The following RUSC2 variants were observed in gnomAD, a reference collection of about 807,000 sequenced individuals.
RUSC2 encodes the protein AP-4 complex accessory subunit RUSC2.
RUSC2 carries 34 observed loss-of-function variants against 122.2 expected under a neutral mutation model. The observed-to-expected ratio is 0.28, with a 90% CI of 0.21 to 0.37. The LOEUF (loss-of-function observed/expected upper bound fraction) is 0.37. RUSC2 is among the 10% of genes least tolerant of loss of function. The pLI is 1.00. For missense variants in RUSC2, 1,747 were observed against 1,952.4 expected, an observed-to-expected ratio of 0.89 and a Z score of 1.98; for synonymous variants, 784 against 790.0, an observed-to-expected ratio of 0.99 and a Z score of 0.13.
At position 35,555,832 on chromosome 9, in the gene RUSC2, T is replaced by A. The variant is rs1822004757; in HGVS notation, c.2657-120T>A. On this transcript the variant is annotated intron_variant, in intron 3 of 11. Coordinates refer to ENST00000361226, the MANE Select transcript of RUSC2 (RefSeq NM_014806.5). The surrounding 1 kb of genome is among the most constrained non-coding windows in gnomAD (Gnocchi z 4.6). ...GGATGTCTGCATCCCTCCCTCAGCA[T>A]CTGTAGATAATATCCACAGATAATC... The A allele has an allele frequency of 6.8e-7, 1 of 1,460,318 alleles. No individual in the cohort carries two copies. Among genetic ancestry groups the A allele is most frequent in the Non-Finnish European group, 9.3e-7 (1 of 1,080,152 alleles). The allele number at this position is 1,460,318 out of a possible 1,614,324, so 90.5% of individuals were successfully genotyped here.
chr9:35,515,067 TTTGA>T (rs1431574463), intron 1 of RUSC2, among the ~76,000 whole-genome samples: 1 of 152,134 alleles, frequency 6.6e-6, no homozygotes, highest in Non-Finnish European at 1.5e-5. Flanking sequence ...AGAATAAATA[TTTGA>T]TTGGCAACTA....
At chr9:35,491,466 G>A (rs1820566896) in intron 1 of RUSC2, among the ~76,000 whole-genome samples, 1 of 152,154 alleles carries the variant, frequency 6.6e-6, no homozygotes, top group African/African-American at 2.4e-5. Context: ...CCTGCTGTAT[G>A]GCCAGCCACT....
intron 1 of RUSC2, among the ~76,000 whole-genome samples, chr9:35,491,637 C>T (rs751690581): frequency 2.6e-5 from 4 of 152,128 alleles, no homozygotes; most frequent in Non-Finnish European, 4.4e-5. Context: ...TGTCTCCCAC[C>T]CTCTTACATG....
At chr9:35,524,643 CT>C (rs1821285964) in intron 1 of RUSC2, among the ~76,000 whole-genome samples, 2 of 152,008 alleles carry the variant, frequency 1.3e-5, no homozygotes, top group Admixed American at 1.3e-4. Context: ...TTTTGTTGTA[CT>C]CTTTGTTTTC....
At chr9:35,493,141 T>C (rs1820602396) in intron 1 of RUSC2, among the ~76,000 whole-genome samples, 1 of 152,126 alleles carries the variant, frequency 6.6e-6, no homozygotes, top group Non-Finnish European at 1.5e-5. Context: ...TCTCCCTCCT[T>C]CTACCCTCAA....
At chr9:35,533,421 C>T (rs1474751605) in intron 1 of RUSC2, among the ~76,000 whole-genome samples, 1 of 152,188 alleles carries the variant, frequency 6.6e-6, no homozygotes, top group Non-Finnish European at 1.5e-5. Context: ...AGCTGAGCAA[C>T]ACCACTCAAG....
chr9:35,501,487 G>T (rs1820816260), intron 1 of RUSC2, among the ~76,000 whole-genome samples: 1 of 152,206 alleles, frequency 6.6e-6, no homozygotes. Context: ...TGAGGCACAA[G>T]AATTGCTTGA....
Position 35,555,249 on chromosome 9 carries a change from C to A in RUSC2, c.2204C>A (p.Ala735Asp). The A allele has an allele frequency of 6.2e-7, 1 of 1,613,204 alleles. No homozygotes were observed. Among genetic ancestry groups the A allele is most frequent in the Non-Finnish European group, 8.5e-7 (1 of 1,180,026 alleles). The change falls in exon 3 of 12, where the codon GCT becomes GAT. Residue 735 changes from alanine to aspartate, a missense_variant. By Grantham distance (126) the Ala-to-Asp change is moderately radical. Coordinates refer to ENST00000361226, the MANE Select transcript of RUSC2 (RefSeq NM_014806.5). This position sits in a 1 kb window ranked among gnomAD's most constrained non-coding sequence, Gnocchi z 4.6. ...CSRTQQPAPL[A>D]APAAQVSVPA... Reference sequence around the variant, plus strand: ...CGTACACAGCAGCCTGCCCCACTGGCTGCCCCTGCTGCTCAAGTCTCAGTC... The same window carrying A: ...CGTACACAGCAGCCTGCCCCACTGGATGCCCCTGCTGCTCAAGTCTCAGTC...
rs961416282 is a variant in RUSC2, at chr9:35,558,960, G to A, written c.3342-266G>A. Among the ~76,000 whole-genome samples the A allele has an allele frequency of 1.3e-5, 2 of 152,174 alleles. No homozygotes were observed. Among genetic ancestry groups the A allele is most frequent in the African/African-American group, 4.8e-5 (2 of 41,438 alleles). ...GGCCCAGGCCATTCCCTTTGGCCCT[G>A]AGCTGCCTGTACTTTCACACAGTAG... On this transcript the variant is annotated intron_variant, in intron 8 of 11. Transcript: ENST00000361226. This position sits in a 1 kb window ranked among gnomAD's most constrained non-coding sequence, Gnocchi z 4.3.
At chr9:35,532,551 C>T (rs1821440712) in intron 1 of RUSC2, among the ~76,000 whole-genome samples, 1 of 152,144 alleles carries the variant, frequency 6.6e-6, no homozygotes, top group Non-Finnish European at 1.5e-5. Flanking sequence ...TCAAGACCAG[C>T]CTGGCCAACA....
intron 1 of RUSC2, among the ~76,000 whole-genome samples, chr9:35,521,625 G>C (rs1183701615): frequency 2.0e-5 from 3 of 152,158 alleles, no homozygotes; most frequent in African/African-American, 4.8e-5. Flanking sequence ...TTGACTTTTG[G>C]GGGTGGACGT....
At position 35,555,066 on chromosome 9, in the gene RUSC2, G is replaced by A. The variant is rs1821980228; in HGVS notation, c.2021G>A (p.Gly674Asp). ...CTCCATCCCTTTGCTACAGGGGGTG[G>A]CACCGAGAGCCGACCAGTCCTTCGC... ...RDARARADGG[G>D]TESRPVLRYS... is the part of the protein sequence containing the mutation. Residue 674 changes from glycine (G) to aspartate (D), a missense_variant, in exon 3 of 12, where the codon GGC (glycine) becomes GAC (aspartate). By Grantham distance (94) the Gly-to-Asp change is moderately conservative. Transcript: ENST00000361226. The surrounding 1 kb of genome is among the most constrained non-coding windows in gnomAD (Gnocchi z 4.6). 3 of 1,611,124 alleles carry A rather than the reference G, an allele frequency of 1.9e-6. No individual in the cohort carries two copies. The highest frequency in any genetic ancestry group is 1.3e-5 in the African/African-American group (1 of 74,832).
At chr9:35,522,854 G>A (rs1564251958) in intron 1 of RUSC2, among the ~76,000 whole-genome samples, 1 of 152,232 alleles carries the variant, frequency 6.6e-6, no homozygotes, top group Admixed American at 6.5e-5. Flanking sequence ...CGCTGTTGGA[G>A]AGGATACCCA....
At chr9:35,523,831 A>T (rs561251866) in intron 1 of RUSC2, among the ~76,000 whole-genome samples, 229 of 151,992 alleles carry the variant, frequency 1.5e-3, no homozygotes, top group African/African-American at 4.0e-3. Context: ...TTAAAAAAAA[A>T]AAATAAAAAT....
At chr9:35,521,570 A>G (rs1821215449) in intron 1 of RUSC2, among the ~76,000 whole-genome samples, 1 of 152,246 alleles carries the variant, frequency 6.6e-6, no homozygotes. Flanking sequence ...TAGGCTGCTA[A>G]GCCCATTCTA....
chr9:35,542,614 A>C (rs1246231401), intron 1 of RUSC2, among the ~76,000 whole-genome samples: 1 of 152,250 alleles, frequency 6.6e-6, no homozygotes, highest in Non-Finnish European at 1.5e-5. Flanking sequence ...AGGTTATTTT[A>C]ATGGGAAAAG....
At chr9:35,514,158 C>CT (rs1821062031) in intron 1 of RUSC2, among the ~76,000 whole-genome samples, 1 of 151,982 alleles carries the variant, frequency 6.6e-6, no homozygotes, top group Admixed American at 6.6e-5. Flanking sequence ...CCCCATGAAA[C>CT]TTGCTGTCTA....
intron 1 of RUSC2, among the ~76,000 whole-genome samples, chr9:35,499,624 TACTTA>T (rs1366678384): frequency 1.3e-5 from 2 of 152,238 alleles, no homozygotes; most frequent in Non-Finnish European, 2.9e-5. Flanking sequence ...CAAAAGTCTA[TACTTA>T]ACTTGTTTAT....
intron 1 of RUSC2, among the ~76,000 whole-genome samples, chr9:35,523,239 A>G (rs1821248712): frequency 6.6e-6 from 1 of 152,204 alleles, no homozygotes; most frequent in Non-Finnish European, 1.5e-5. Context: ...TAAAATTATA[A>G]TGTTTTTTAT....
Sources: allele counts gnomAD v4.1 joint callset (sites outside exome capture counted in the v4.1 genomes callset), GRCh38; gene constraint gnomAD v4.1.1; non-coding constraint Gnocchi (gnomAD v3.1); transcripts MANE v1.5; gene names NCBI Gene and HGNC (gene_info 2026-07-23, HGNC 2026-07-21).